SLC13A3: variants seen among roughly 807,000 people sequenced by gnomAD.
SLC13A3 encodes Na(+)/dicarboxylate cotransporter 3.
In SLC13A3, 40 loss-of-function variants were observed where a neutral mutation model predicts 59.0. The observed-to-expected ratio is 0.68, with a 90% confidence interval of 0.53 to 0.88. The LOEUF (loss-of-function observed/expected upper bound fraction) is 0.88. Among genes scored for constraint, SLC13A3 ranks in the 40% least tolerant of loss-of-function variants. The pLI, the probability that SLC13A3 is intolerant of heterozygous loss-of-function variation, is 0.00. For synonymous variants in SLC13A3, 317 were observed against 330.3 expected (o/e 0.96, Z 0.44); for missense variants, 699 against 783.2 (o/e 0.89, Z 1.28).
intron 10 of SLC13A3, among the ~76,000 whole-genome samples, chr20:46,574,825 GT>G (rs984542280): frequency 7.8e-6 from 1 of 128,800 alleles, no homozygotes; most frequent in Non-Finnish European, 1.6e-5. Flanking sequence ...TGTAAAGCAT[GT>G]TTTTTTCTTT....
At chr20:46,643,257 G>A (rs922718630) in intron 1 of SLC13A3, among the ~76,000 whole-genome samples, 5 of 152,132 alleles carry the variant, frequency 3.3e-5, no homozygotes, top group East Asian at 1.9e-4. Flanking sequence ...AACATAATAC[G>A]TTGCCAGGTA....
intron 4 of SLC13A3, 60 bp downstream of exon 4, chr20:46,599,911 T>C (rs1490652935): frequency 3.8e-6 from 5 of 1,310,994 alleles, no homozygotes; most frequent in Non-Finnish European, 5.3e-6. Context: ...CATTGAATTC[T>C]TGTTCATCAT....
rs897408329 is a variant in SLC13A3, at chr20:46,617,588, TTGTGTGTGTGTGTGTGTGTGCG to T, written c.112-3885_112-3864del. On this transcript the variant is annotated intron_variant, in intron 1 of 12. Transcript: ENST00000279027. ...TTGAACAATTGGCTCTCTGAAAAAC[TTGTGTGTGTGTGTGTGTGTGCG>T]TGTGTGTGTGTGTGTGTGTATTAAG... Among the ~76,000 whole-genome samples the T allele has an allele frequency of 2.5e-4, 27 of 106,314 alleles. No homozygotes were observed. The South Asian group carries it at 5.7e-3, about 23-fold the overall frequency. The allele number at this position is 106,314 out of a possible 152,430, so 69.7% of individuals were successfully genotyped here.
intron 1 of SLC13A3, among the ~76,000 whole-genome samples, chr20:46,683,450 G>A (rs1187122634): frequency 1.3e-5 from 2 of 152,126 alleles, no homozygotes; most frequent in African/African-American, 4.8e-5. Context: ...AGCTCAGGCA[G>A]AGAACTCGCC....
At chr20:46,632,882 T>C (rs2062754633) in intron 1 of SLC13A3, among the ~76,000 whole-genome samples, 1 of 9,490 alleles carries the variant, frequency 1.1e-4, no homozygotes. Context: ...GATAGATAGA[T>C]AGATAGATAG....
At chr20:46,563,646 GGGACACAAAGACGT>G in intron 11 of SLC13A3, 95 bp from the exon 12 acceptor site, 3 of 1,078,316 alleles carry the variant, frequency 2.8e-6, no homozygotes, top group East Asian at 2.7e-5. Flanking sequence ...GTTGGAAAGA[GGGACACAAAGACGT>G]AGAGACAGAG....
chr20:46,627,140 T>G (rs2062682413), intron 1 of SLC13A3, among the ~76,000 whole-genome samples: 1 of 152,256 alleles, frequency 6.6e-6, no homozygotes, highest in Non-Finnish European at 1.5e-5. Flanking sequence ...TCTGTCTTTG[T>G]TCGCCTCTAT....
intron 1 of SLC13A3, chr20:46,681,885 C>G (rs2063155625): frequency 6.6e-6 from 1 of 152,140 alleles, no homozygotes; most frequent in African/African-American, 2.4e-5. Context: ...TCATAATAAC[C>G]CATTAATCTA....
At chr20:46,683,805 C>T (rs1409789794) in intron 1 of SLC13A3, among the ~76,000 whole-genome samples, 2 of 152,196 alleles carry the variant, frequency 1.3e-5, no homozygotes, top group African/African-American at 4.8e-5. Flanking sequence ...TCAGTGGCTG[C>T]CAGGTCCTGT....
intron 3 of SLC13A3, 32 bp from the exon 4 acceptor site, chr20:46,600,069 A>G: frequency 6.6e-7 from 1 of 1,518,870 alleles, no homozygotes; most frequent in Non-Finnish European, 9.0e-7. Context: ...TCTTTAATGT[A>G]ATGTAGCGAA....
At chr20:46,562,911 G>T (rs565033055) in intron 12 of SLC13A3, among the ~76,000 whole-genome samples, 1 of 152,350 alleles carries the variant, frequency 6.6e-6, no homozygotes, top group South Asian at 2.1e-4. Flanking sequence ...TGCAAAGCCA[G>T]TGGAGAGGGA....
chr20:46,673,043 T>A (rs1034565039), upstream of SLC13A3, among the ~76,000 whole-genome samples: 2 of 152,204 alleles, frequency 1.3e-5, no homozygotes, highest in African/African-American at 4.8e-5. Flanking sequence ...AAGCAGCAGA[T>A]GTTTAACACT....
chr20:46,604,816 C>T (rs917977375), intron 3 of SLC13A3, among the ~76,000 whole-genome samples: 19 of 152,196 alleles, frequency 1.2e-4, no homozygotes, highest in Admixed American at 9.2e-4. Context: ...AAGTAGGAAG[C>T]GAGGGACTAT....
At position 46,563,467 on chromosome 20, in the gene SLC13A3, T is replaced by C; in HGVS notation, c.1579A>G (p.Thr527Ala). 1 of 1,614,016 alleles carries C rather than the reference T, an allele frequency of 6.2e-7. No individual in the cohort carries two copies. The highest frequency in any genetic ancestry group is 8.5e-7 in the Non-Finnish European group (1 of 1,179,986). The stretch of plus-strand genomic sequence containing the variant: ...GCGAAGGCGATGGAGTTGGGGGGCG[T>C]TGAGACCGGGAGCATGAAGGCAAAG... ...CSFAFMLPVS[T>A]PPNSIAFASG... The change falls in exon 12 of 13, where the codon ACG becomes GCG. Residue 527 changes from threonine to alanine, a missense_variant. By Grantham distance (58) the Thr-to-Ala change is moderately conservative. Transcript: ENST00000279027.
chr20:46,659,102 A>G (rs1290683795), intron 1 of SLC13A3, among the ~76,000 whole-genome samples: 1 of 152,126 alleles, frequency 6.6e-6, no homozygotes, highest in Non-Finnish European at 1.5e-5. Context: ...TTTTTTATCT[A>G]GTCTAACATT....
At chr20:46,597,659 A>T (rs1215713524) in intron 4 of SLC13A3, among the ~76,000 whole-genome samples, 3 of 152,028 alleles carry the variant, frequency 2.0e-5, no homozygotes, top group Non-Finnish European at 1.5e-5. Context: ...CTGGTCTCGA[A>T]CTCCTCACCT....
rs1186804770 is a variant in SLC13A3, at chr20:46,613,620, T to C, written c.217A>G (p.Met73Val). The change falls in exon 2 of 13, where the codon ATG becomes GTG. Residue 73 changes from methionine (M) to valine (V), a missense_variant. Transcript: ENST00000279027. ...ACCTTGTTGGAGGGCAAGATGCCCA[T>C]GAAGGGGAAGAGGACGATGGGCAGC... is the stretch of plus-strand genomic sequence containing the variant. ...ALLPIVLFPF[M>V]GILPSNKVCP... 1.1e-5 allele frequency: 18 copies of C among 1,612,576 alleles called. No individual in the cohort carries two copies. The highest frequency in any genetic ancestry group is 2.2e-5 in the East Asian group (1 of 44,840).
chr20:46,675,545 C>T (rs966705383), intron 1 of SLC13A3, among the ~76,000 whole-genome samples: 15 of 150,662 alleles, frequency 1.0e-4, no homozygotes, highest in Non-Finnish European at 1.9e-4. Context: ...CATGCCCGGC[C>T]CCTTTTTTTT....
At chr20:46,600,313 G>GGAA (rs2062363120) in intron 3 of SLC13A3, among the ~76,000 whole-genome samples, 1 of 123,808 alleles carries the variant, frequency 8.1e-6, no homozygotes, top group Non-Finnish European at 1.7e-5. Flanking sequence ...GAAAGAAAGA[G>GGAA]GGAAGGAAGG....
Sources: gnomAD v4.1 joint callset for allele counts (sites outside exome capture counted in the v4.1 genomes callset) on GRCh38, gnomAD v4.1.1 for gene constraint, MANE v1.5 for transcripts, NCBI Gene and HGNC (gene_info 2026-07-23, HGNC 2026-07-21) for gene names.